CDYL2: variants seen among roughly 807,000 people sequenced by gnomAD.
CDYL2 encodes chromodomain Y-like protein 2.
CDYL2 carries 23 observed loss-of-function variants against 49.4 expected under a neutral mutation model. The observed-to-expected ratio is 0.47, with a 90% CI of 0.34 to 0.66. The LOEUF (loss-of-function observed/expected upper bound fraction) is 0.66. Among genes scored for constraint, CDYL2 ranks in the 30% least tolerant of loss-of-function variants. CDYL2 has a pLI of 0.01. For synonymous variants in CDYL2, 360 were observed against 268.8 expected, an observed-to-expected ratio of 1.34 and a Z score of -3.32; for missense variants, 678 against 656.4, an observed-to-expected ratio of 1.03 and a Z score of -0.36.
At chr16:80,623,875 C>T (rs13334600) in intron 3 of CDYL2, among the ~76,000 whole-genome samples, 24,350 of 152,042 alleles carry the variant, frequency 0.16, 6,297 homozygotes, top group African/African-American at 0.55. Context: ...AGTGTGGCTA[C>T]GGGAGCAGCA....
chr16:80,605,076 T>C (rs202127252), intron 6 of CDYL2, among the ~76,000 whole-genome samples: 3 of 138,180 alleles, frequency 2.2e-5, no homozygotes, highest in Non-Finnish European at 2.9e-5. Context: ...ATAATCATTA[T>C]AGTAAAGAGT....
chr16:80,706,564 G>A (rs1904411251), intron 1 of CDYL2, among the ~76,000 whole-genome samples: 1 of 152,150 alleles, frequency 6.6e-6, no homozygotes, highest in Admixed American at 6.5e-5. Flanking sequence ...GCTGGCTTCT[G>A]GTAAACAATT....
Position 80,698,464 on chromosome 16 carries a change from A to G in CDYL2, c.25-13335T>C, listed in dbSNP as rs948356187. On this transcript the variant is annotated intron_variant, in intron 1 of 6. Transcript: ENST00000570137. ...CCAATGATCTGAAAAGACATTTCTC[A>G]AAAGACAATATACAAATGGCCAATA... Among the ~76,000 whole-genome samples the G allele has an allele frequency of 3.3e-5, 5 of 152,216 alleles. No homozygotes were observed. In the East Asian group the frequency reaches 5.8e-4, roughly 18 times the overall value.
rs531261600 is a variant in CDYL2 at position 80,729,249 on chromosome 16, G to C, written c.25-44120C>G. 1.4e-4 allele frequency among the ~76,000 whole-genome samples: 21 copies of C among 152,114 alleles called. No individual in the cohort carries two copies. In the East Asian group the frequency reaches 3.9e-3, roughly 28 times the overall value. On this transcript the variant is annotated intron_variant, in intron 1 of 6. Transcript: ENST00000570137. ...CACATAGGCTCAAAATAAAAGGATG[G>C]AGGAAGATCTACCAAGCAAATGGAA...
At chr16:80,778,176 T>C (rs1269431031) in intron 1 of CDYL2, among the ~76,000 whole-genome samples, 1 of 151,992 alleles carries the variant, frequency 6.6e-6, no homozygotes, top group Non-Finnish European at 1.5e-5. Flanking sequence ...AAAAATAATA[T>C]CTACTTTATA....
intron 1 of CDYL2, among the ~76,000 whole-genome samples, chr16:80,688,982 C>T (rs951736325): frequency 1.3e-5 from 2 of 152,178 alleles, no homozygotes; most frequent in African/African-American, 4.8e-5. Context: ...TCTGCCCCCG[C>T]TCTACCTGGG....
intron 2 of CDYL2, among the ~76,000 whole-genome samples, chr16:80,637,350 G>C (rs60236050): frequency 0.16 from 23,884 of 152,016 alleles, 2,315 homozygotes; most frequent in Admixed American, 0.29. Flanking sequence ...TCTGAAATAA[G>C]AAAAAGATGT....
At chr16:80,800,460 C>T (rs1907891338) in intron 1 of CDYL2, among the ~76,000 whole-genome samples, 1 of 152,092 alleles carries the variant, frequency 6.6e-6, no homozygotes, top group African/African-American at 2.4e-5. Context: ...CCCATAAACT[C>T]TGTTATTCTT....
rs180912587 is a variant in CDYL2 at position 80,784,391 on chromosome 16, A to G, written c.24+19759T>C. The stretch of plus-strand genomic sequence containing the variant: ...ATTTTTAAAAAATATTTATTCTGCA[A>G]TTTAGGCTCTGGTTTTTCATGAGAC... On this transcript the variant is annotated intron_variant, in intron 1 of 6. Transcript: ENST00000570137. Among the ~76,000 whole-genome samples the G allele has an allele frequency of 1.9e-3, 291 of 152,288 alleles. 1 individual carries two copies. The highest frequency in any genetic ancestry group is 6.7e-3 in the African/African-American group (279 of 41,554).
Position 80,612,357 on chromosome 16 carries a change from C to G in CDYL2, c.1218+269G>C, listed in dbSNP as rs1447004836. On this transcript the variant is annotated intron_variant, in intron 5 of 6. Coordinates refer to ENST00000570137, the MANE Select transcript of CDYL2 (RefSeq NM_152342.4). The surrounding 1 kb of genome is among the most constrained non-coding windows in gnomAD (Gnocchi z 5.0). ...ACCGTGGGCTGCTTGTCACAGCACC[C>G]AGCCAATCCTAAGACACGCCTTCAG... is the stretch of plus-strand genomic sequence containing the variant. Among the ~76,000 whole-genome samples the G allele has an allele frequency of 2.0e-5, 3 of 152,206 alleles. No homozygotes were observed. The highest frequency in any genetic ancestry group is 3.9e-4 in the East Asian group (2 of 5,190).
chr16:80,702,876 C>CCAG (rs1488019625), intron 1 of CDYL2, among the ~76,000 whole-genome samples: 1 of 152,140 alleles, frequency 6.6e-6, no homozygotes, highest in African/African-American at 2.4e-5. Flanking sequence ...ACTTTCCATC[C>CCAG]CAGCTGCATG....
chr16:80,717,033 GATGGATGC>G (rs1420373483), intron 1 of CDYL2, among the ~76,000 whole-genome samples: 1 of 151,958 alleles, frequency 6.6e-6, no homozygotes, highest in African/African-American at 2.4e-5. Flanking sequence ...TGGATGGATG[GATGGATGC>G]ACGGATGGAT....
chr16:80,707,431 A>G (rs1275252198), intron 1 of CDYL2, among the ~76,000 whole-genome samples: 1 of 152,220 alleles, frequency 6.6e-6, no homozygotes, highest in Non-Finnish European at 1.5e-5. Flanking sequence ...ACTGCACTCC[A>G]GCCTAGGCGA....
intron 2 of CDYL2, among the ~76,000 whole-genome samples, chr16:80,642,909 C>T (rs1013538315): frequency 6.6e-6 from 1 of 152,050 alleles, no homozygotes; most frequent in South Asian, 2.1e-4. Flanking sequence ...ATTATTCCAC[C>T]CCCAGCCCCT....
intron 1 of CDYL2, among the ~76,000 whole-genome samples, chr16:80,790,149 T>A (rs1463194697): frequency 6.6e-6 from 1 of 152,232 alleles, no homozygotes; most frequent in Non-Finnish European, 1.5e-5. Flanking sequence ...ACAACCTTTT[T>A]ATGCAACACC....
intron 1 of CDYL2, among the ~76,000 whole-genome samples, chr16:80,709,454 C>A (rs561246601): frequency 2.7e-5 from 4 of 150,934 alleles, no homozygotes; most frequent in South Asian, 4.2e-4. Flanking sequence ...TTGAGCATAA[C>A]GCAAATTTTG....
intron 1 of CDYL2, chr16:80,736,306 G>C (rs1905526684): frequency 6.6e-6 from 1 of 152,230 alleles, no homozygotes; most frequent in Non-Finnish European, 1.5e-5. Context: ...TAACCATCAT[G>C]CACAGAATAC....
intron 1 of CDYL2, among the ~76,000 whole-genome samples, chr16:80,778,954 C>T (rs1371546797): frequency 1.3e-5 from 2 of 152,018 alleles, no homozygotes; most frequent in African/African-American, 2.4e-5. Context: ...CCCTACTTCA[C>T]ATAATACAGC....
At chr16:80,640,829 G>A (rs1165239865) in intron 2 of CDYL2, among the ~76,000 whole-genome samples, 1 of 152,148 alleles carries the variant, frequency 6.6e-6, no homozygotes, top group Non-Finnish European at 1.5e-5. Flanking sequence ...AGCAGACTCT[G>A]AATAGCAGAA....
Sources: gnomAD v4.1 joint callset for allele counts (sites outside exome capture counted in the v4.1 genomes callset) on GRCh38, gnomAD v4.1.1 for gene constraint, Gnocchi (gnomAD v3.1) non-coding constraint, MANE v1.5 for transcripts, NCBI Gene and HGNC (gene_info 2026-07-23, HGNC 2026-07-21) for gene names.